GYPE: variants seen among roughly 807,000 people sequenced by gnomAD.
GYPE encodes glycophorin-E.
In GYPE, 8 loss-of-function variants were observed where a neutral mutation model predicts 11.6. That is an observed-to-expected ratio of 0.69 (90% CI 0.41 to 1.25). The LOEUF is 1.25. Among genes scored for constraint, GYPE ranks in the 50% most tolerant of loss-of-function variants. GYPE has a pLI of 0.01. For missense variants in GYPE, 90 were observed against 92.8 expected, an observed-to-expected ratio of 0.97 and a Z score of 0.12; for synonymous variants, 28 against 29.6, an observed-to-expected ratio of 0.94 and a Z score of 0.18.
At chr4:143,889,698 T>C (rs1384339744) in intron 1 of GYPE, among the ~76,000 whole-genome samples, 1 of 152,172 alleles carries the variant, frequency 6.6e-6, no homozygotes, top group Non-Finnish European at 1.5e-5. Flanking sequence ...TGCTTCACCA[T>C]TCATGAATCA....
intron 3 of GYPE, among the ~76,000 whole-genome samples, chr4:143,873,072 G>C (rs1743672616): frequency 6.6e-6 from 1 of 152,176 alleles, no homozygotes; most frequent in Admixed American, 6.5e-5. Flanking sequence ...AACAAGAGTA[G>C]AGACAGGGAG....
chr4:143,896,953 A>G (rs1744672363), intron 1 of GYPE, among the ~76,000 whole-genome samples: 1 of 152,020 alleles, frequency 6.6e-6, no homozygotes, highest in East Asian at 1.9e-4. Flanking sequence ...TGGGAACTGA[A>G]CAATGAGAAC....
intron 1 of GYPE, among the ~76,000 whole-genome samples, chr4:143,881,412 A>T (rs1183415516): frequency 6.6e-6 from 1 of 152,138 alleles, no homozygotes; most frequent in African/African-American, 2.4e-5. Flanking sequence ...AAATTTGGGA[A>T]CTACAAGAAA....
chr4:143,881,135 G>C (rs2149906825), intron 1 of GYPE, among the ~76,000 whole-genome samples: 1 of 151,518 alleles, frequency 6.6e-6, no homozygotes, highest in East Asian at 1.9e-4. Flanking sequence ...CTTGCAGTGA[G>C]CTGAGATCAC....
intron 1 of GYPE, among the ~76,000 whole-genome samples, chr4:143,905,245 C>A (rs563175184): frequency 6.6e-6 from 1 of 152,262 alleles, no homozygotes; most frequent in Non-Finnish European, 1.5e-5. Context: ...TTGAAGTAAG[C>A]TTCTCATACT....
intron 1 of GYPE, among the ~76,000 whole-genome samples, chr4:143,891,334 T>C (rs1313450590): frequency 6.8e-6 from 1 of 147,156 alleles, no homozygotes; most frequent in African/African-American, 2.5e-5. Flanking sequence ...TGTTTCTTTT[T>C]TTTTTTTTTT....
At chr4:143,890,876 G>T (rs182118261) in intron 1 of GYPE, among the ~76,000 whole-genome samples, 1 of 151,492 alleles carries the variant, frequency 6.6e-6, no homozygotes, top group African/African-American at 2.4e-5. Flanking sequence ...ACTTTCCAAG[G>T]ATAAGCTCAT....
At chr4:143,898,248 G>C (rs200049638) in intron 1 of GYPE, among the ~76,000 whole-genome samples, 1 of 152,194 alleles carries the variant, frequency 6.6e-6, no homozygotes, top group East Asian at 1.9e-4. Context: ...GTGGTGGTGT[G>C]CGCCTGTATT....
rs191397343 is a variant in GYPE, at chr4:143,902,620, T to C, written c.37+2851A>G. Among the ~76,000 whole-genome samples the C allele has an allele frequency of 2.6e-3, 398 of 151,952 alleles. 4 individuals carry two copies. The highest frequency in any genetic ancestry group is 9.3e-3 in the African/African-American group (385 of 41,390). ...TCCTTTTTCCTTTTCCTTCTTCCTT[T>C]CTCTCCCTCTCTGCTTATCTCTCCT... On this transcript the variant is annotated intron_variant, in intron 1 of 3. Coordinates refer to ENST00000358615, the MANE Select transcript of GYPE (RefSeq NM_198682.3).
intron 1 of GYPE, among the ~76,000 whole-genome samples, chr4:143,903,740 G>C (rs1380456885): frequency 1.3e-5 from 2 of 151,870 alleles, no homozygotes; most frequent in Admixed American, 1.3e-4. Flanking sequence ...TCTTGCCCCA[G>C]TGACCTCTTT....
chr4:143,902,607 T>C (rs1744909624), intron 1 of GYPE, among the ~76,000 whole-genome samples: 1 of 151,952 alleles, frequency 6.6e-6, no homozygotes, highest in Admixed American at 6.6e-5. Context: ...CTTTTTCCTT[T>C]TCCTTCTTCC....
intron 1 of GYPE, among the ~76,000 whole-genome samples, chr4:143,902,036 T>C (rs1313270563): frequency 2.6e-5 from 4 of 152,226 alleles, no homozygotes; most frequent in South Asian, 4.2e-4. Context: ...GAAAAATGAT[T>C]GTAGATACCA....
intron 1 of GYPE, among the ~76,000 whole-genome samples, chr4:143,893,683 C>G (rs1388095068): frequency 3.9e-5 from 6 of 152,166 alleles, no homozygotes; most frequent in African/African-American, 1.4e-4. Context: ...GAGATCTGCT[C>G]TTAGTCTCAT....
chr4:143,883,721 T>A (rs1411791883), intron 1 of GYPE, among the ~76,000 whole-genome samples: 1 of 149,852 alleles, frequency 6.7e-6, no homozygotes, highest in Admixed American at 6.7e-5. Flanking sequence ...AATGACAAAA[T>A]AGCACATGCA....
chr4:143,882,073 T>A (rs1744040669), intron 1 of GYPE, among the ~76,000 whole-genome samples: 1 of 152,198 alleles, frequency 6.6e-6, no homozygotes, highest in East Asian at 1.9e-4. Context: ...CTAAACTGTC[T>A]ATGTTTTCTC....
intron 1 of GYPE, among the ~76,000 whole-genome samples, chr4:143,898,627 A>C (rs1044879767): frequency 6.6e-6 from 1 of 152,146 alleles, no homozygotes; most frequent in African/African-American, 2.4e-5. Context: ...AGTTTTCTCC[A>C]ATTGTGATAG....
At chr4:143,883,918 C>T (rs1483557048) in intron 1 of GYPE, among the ~76,000 whole-genome samples, 2 of 151,926 alleles carry the variant, frequency 1.3e-5, no homozygotes, top group Non-Finnish European at 2.9e-5. Flanking sequence ...TATACATATT[C>T]CTCCAAGTTT....
At chr4:143,891,877 C>T (rs1249724424) in intron 1 of GYPE, among the ~76,000 whole-genome samples, 2 of 152,082 alleles carry the variant, frequency 1.3e-5, no homozygotes, top group African/African-American at 2.4e-5. Context: ...TTGTCACTGG[C>T]ACTAAAAATT....
At chr4:143,890,944 C>T (rs1157230577) in intron 1 of GYPE, among the ~76,000 whole-genome samples, 1 of 151,848 alleles carries the variant, frequency 6.6e-6, no homozygotes, top group African/African-American at 2.4e-5. Context: ...GAGTGTTTGG[C>T]CTGCAGCCTC....
Sources: gnomAD v4.1 joint callset for allele counts (sites outside exome capture counted in the v4.1 genomes callset) on GRCh38, gnomAD v4.1.1 for gene constraint, MANE v1.5 for transcripts, NCBI Gene and HGNC (gene_info 2026-07-23, HGNC 2026-07-21) for gene names.